The following FBXL17 variants were observed in gnomAD, a reference collection of about 807,000 sequenced individuals.
FBXL17 encodes F-box/LRR-repeat protein 17.
FBXL17 carries 22 observed loss-of-function variants against 66.2 expected under a neutral mutation model. The ratio of observed to expected loss-of-function variants is 0.33; its 90% CI spans 0.24 to 0.47. The LOEUF (loss-of-function observed/expected upper bound fraction) is 0.47, where lower values mean the gene tolerates loss of function less well. Among genes scored for constraint, FBXL17 ranks in the 20% least tolerant of loss-of-function variants. The pLI is 1.00. For missense variants in FBXL17, 878 were observed against 948.2 expected (o/e 0.93, Z 0.97); for synonymous variants, 474 against 400.5 (o/e 1.18, Z -2.19).
intron 7 of FBXL17, among the ~76,000 whole-genome samples, chr5:107,949,521 C>T (rs1751431085): frequency 6.6e-6 from 1 of 152,156 alleles, no homozygotes; most frequent in South Asian, 2.1e-4. Context: ...GCACAGAAAT[C>T]ACAAGAAGGA....
chr5:107,865,182 C>T (rs1352489226), intron 8 of FBXL17, among the ~76,000 whole-genome samples: 3 of 152,168 alleles, frequency 2.0e-5, no homozygotes, highest in Non-Finnish European at 4.4e-5. Flanking sequence ...ACATCTTTTC[C>T]AATTTATACA....
chr5:108,181,785 G>A (rs1484968686), intron 6 of FBXL17, among the ~76,000 whole-genome samples: 2 of 152,070 alleles, frequency 1.3e-5, no homozygotes, highest in Admixed American at 6.6e-5. Flanking sequence ...AATGAGCTTA[G>A]TTAAAAAATT....
intron 4 of FBXL17, among the ~76,000 whole-genome samples, chr5:108,225,611 G>C (rs1554076906): frequency 1.3e-5 from 2 of 152,142 alleles, no homozygotes; most frequent in Non-Finnish European, 2.9e-5. Context: ...TAGCACTTTA[G>C]AAGAAACATG....
At chr5:108,068,551 G>A (rs190267394) in intron 6 of FBXL17, among the ~76,000 whole-genome samples, 1,948 of 152,116 alleles carry the variant, frequency 0.013, 42 homozygotes, top group African/African-American at 0.045. Context: ...CACCTCCCGG[G>A]TTCAAGCGAT....
intron 4 of FBXL17, among the ~76,000 whole-genome samples, chr5:108,249,725 C>G (rs1756263115): frequency 6.6e-6 from 1 of 152,116 alleles, no homozygotes; most frequent in South Asian, 2.1e-4. Flanking sequence ...AGAAGCAGTA[C>G]AGAGCTGAGA....
At chr5:108,170,139 A>G (rs533404696) in intron 6 of FBXL17, among the ~76,000 whole-genome samples, 165 of 152,334 alleles carry the variant, frequency 1.1e-3, no homozygotes, top group Non-Finnish European at 1.4e-3. Flanking sequence ...GTAATTTATT[A>G]ATGAAAAAAA....
chr5:108,349,329 G>T (rs983779520), intron 3 of FBXL17, among the ~76,000 whole-genome samples: 3 of 152,034 alleles, frequency 2.0e-5, no homozygotes, highest in Non-Finnish European at 4.4e-5. Flanking sequence ...TACATACCAA[G>T]GTGTTCACAG....
At position 107,862,362 on chromosome 5, in the gene FBXL17, A is replaced by G. The variant is rs141770114; in HGVS notation, c.1966-502T>C. 2.8e-3 allele frequency among the ~76,000 whole-genome samples: 429 copies of G among 152,060 alleles called. 3 individuals are homozygous for G. Among genetic ancestry groups the G allele is most frequent in the Admixed American group, 8.7e-3 (132 of 15,250 alleles). On this transcript the variant is annotated intron_variant, in intron 8 of 8. Coordinates refer to ENST00000542267, the MANE Select transcript of FBXL17 (RefSeq NM_001163315.3). Reference sequence around the variant, plus strand: ...GCAAACTTCAAGTTCCTTTGTGAAAAGGGCTGAAATGTGAGGAATCAATAA... The same window carrying G: ...GCAAACTTCAAGTTCCTTTGTGAAAGGGGCTGAAATGTGAGGAATCAATAA...
intron 7 of FBXL17, among the ~76,000 whole-genome samples, chr5:108,007,609 A>G (rs1753981853): frequency 6.6e-6 from 1 of 150,804 alleles, no homozygotes; most frequent in South Asian, 2.1e-4. Flanking sequence ...TACCAGAAAA[A>G]CTTGGGAAAT....
intron 8 of FBXL17, among the ~76,000 whole-genome samples, chr5:107,876,843 G>A (rs944386922): frequency 3.3e-5 from 5 of 152,074 alleles, no homozygotes; most frequent in African/African-American, 1.2e-4. Context: ...TAATTTCTAC[G>A]ACCAAAGCCG....
intron 1 of FBXL17, among the ~76,000 whole-genome samples, chr5:108,376,948 G>A (rs995994071): frequency 1.3e-5 from 2 of 152,032 alleles, no homozygotes; most frequent in Admixed American, 1.3e-4. Context: ...ATATTTCTGA[G>A]CCTTTTAACA....
chr5:108,313,519 T>C (rs774447860), intron 4 of FBXL17, among the ~76,000 whole-genome samples: 8 of 152,072 alleles, frequency 5.3e-5, no homozygotes, highest in Non-Finnish European at 1.2e-4. Context: ...AACTGTAAAA[T>C]ATGCCCTTAG....
chr5:108,097,234 C>T (rs1214154611), intron 6 of FBXL17, among the ~76,000 whole-genome samples: 1 of 152,146 alleles, frequency 6.6e-6, no homozygotes. Flanking sequence ...CTTCACCCTC[C>T]CCACGATTGT....
chr5:108,084,412 G>C (rs1748897311), intron 6 of FBXL17, among the ~76,000 whole-genome samples: 1 of 152,186 alleles, frequency 6.6e-6, no homozygotes, highest in South Asian at 2.1e-4. Flanking sequence ...GGTATGAAAC[G>C]GGGCTAGGAG....
In FBXL17 at chr5:108,381,966, C is replaced by T. The variant is rs1441546704; in HGVS notation, c.-275G>A. On this transcript the variant is annotated 5_prime_UTR_variant, in exon 1 of 9. Transcript: ENST00000542267. ...GGACGCGAGGGAGGGAGCGAGCGAG[C>T]CTGCCGGCTAGGCGACCAGTCCGGG... 6 of 1,226,970 alleles carry T rather than the reference C, an allele frequency of 4.9e-6. No homozygotes were observed. The highest frequency in any genetic ancestry group is 6.1e-6 in the Non-Finnish European group (6 of 982,122). 76.0% of individuals were successfully genotyped at this position (1,226,970 alleles called of 1,614,324 possible).
chr5:108,032,140 T>C (rs368176209), intron 6 of FBXL17, among the ~76,000 whole-genome samples: 5 of 152,152 alleles, frequency 3.3e-5, no homozygotes, highest in Non-Finnish European at 7.4e-5. Context: ...TAGAACAAAA[T>C]AGTATTTCCT....
chr5:108,269,659 C>T, intron 4 of FBXL17, among the ~76,000 whole-genome samples: 1 of 152,036 alleles, frequency 6.6e-6, no homozygotes, highest in East Asian at 1.9e-4. Flanking sequence ...ACCCTCTATG[C>T]CCCTCTTCCA....
At chr5:108,058,885 T>C (rs1349885326) in intron 6 of FBXL17, among the ~76,000 whole-genome samples, 1 of 152,166 alleles carries the variant, frequency 6.6e-6, no homozygotes, top group African/African-American at 2.4e-5. Context: ...CTCAGTATAT[T>C]TGATGATTGT....
intron 7 of FBXL17, among the ~76,000 whole-genome samples, chr5:107,906,064 T>C (rs1218085276): frequency 1.3e-5 from 2 of 152,032 alleles, no homozygotes; most frequent in African/African-American, 4.8e-5. Flanking sequence ...GTGAAGCTTT[T>C]TTTTTTTTTC....
Sources: gnomAD v4.1 joint callset for allele counts (sites outside exome capture counted in the v4.1 genomes callset) on GRCh38, gnomAD v4.1.1 for gene constraint, MANE v1.5 for transcripts, NCBI Gene and HGNC (gene_info 2026-07-23, HGNC 2026-07-21) for gene names.